Variants in KMT2C observed in about 807,000 individuals in gnomAD.
The protein encoded by KMT2C is histone-lysine N-methyltransferase 2C.
Under a neutral mutation model 507.9 loss-of-function variants are expected in KMT2C, and 88 were observed. The observed-to-expected ratio is 0.17, with a 90% CI of 0.15 to 0.21. The LOEUF (loss-of-function observed/expected upper bound fraction) is 0.21, where lower values mean the gene tolerates loss of function less well. KMT2C is among the 10% of genes least tolerant of loss of function. The pLI, the probability that KMT2C is intolerant of heterozygous loss-of-function variation, is 1.00. For synonymous variants in KMT2C, 2,049 were observed against 2,080.8 expected (o/e 0.98, Z 0.42); for missense variants, 4,954 against 5,957.8 (o/e 0.83, Z 5.55).
In KMT2C at chr7:152,260,401, T is replaced by C. The variant is rs188497460; in HGVS notation, c.1299+2615A>G. 1.7e-3 allele frequency among the ~76,000 whole-genome samples: 257 copies of C among 151,982 alleles called. 1 individual carries two copies. Among genetic ancestry groups the C allele is most frequent in the African/African-American group, 5.9e-3 (243 of 41,432 alleles). On this transcript the variant is annotated intron_variant, in intron 9 of 58. Transcript: ENST00000262189. ...ATAATGAAAACCCTAATAAAGAAGA[T>C]CAAGAGCAAGAACAAAAATTATCCA...
At chr7:152,388,022 CA>C (rs2097447962) in intron 1 of KMT2C, among the ~76,000 whole-genome samples, 1 of 150,276 alleles carries the variant, frequency 6.7e-6, no homozygotes, top group African/African-American at 2.4e-5. Context: ...CAAAGTGATC[CA>C]ACTCTGAAAT....
intron 23 of KMT2C, among the ~76,000 whole-genome samples, chr7:152,217,594 C>G (rs1343436620): frequency 6.6e-6 from 1 of 152,114 alleles, no homozygotes; most frequent in African/African-American, 2.4e-5. Context: ...ACTAAACAAT[C>G]TTTTTTCATA....
rs1452540630 is a variant in KMT2C at position 152,220,597 on chromosome 7, C to T, written c.3638G>A (p.Ser1213Asn). 1 of 1,611,832 alleles carries T rather than the reference C, an allele frequency of 6.2e-7. No individual in the cohort carries two copies. Among genetic ancestry groups the T allele is most frequent in the Non-Finnish European group, 8.5e-7 (1 of 1,179,812 alleles). Residue 1213 changes from serine to asparagine, a missense_variant, in exon 23 of 59, where the codon AGC becomes AAC. By Grantham distance (46) the Ser-to-Asn change is conservative. This residue lies in a region of KMT2C where 176 missense variants were observed against 262.0 expected (regional missense o/e 0.67). Transcript: ENST00000262189. ...TGGAGGGGTCTGAAGGACGGCCACG[C>T]TATTCTGATTTATAATCTTCAATTT... ...KLKLKIINQNSVAVLQTPPDI... is the reference protein window; with the variant it reads ...KLKLKIINQNNVAVLQTPPDI...
At chr7:152,278,694 T>C (rs1253669328) in intron 6 of KMT2C, among the ~76,000 whole-genome samples, 1 of 152,168 alleles carries the variant, frequency 6.6e-6, no homozygotes, top group Non-Finnish European at 1.5e-5. Context: ...ATAGCAATAA[T>C]TGCAAAGAAA....
intron 49 of KMT2C, 93 bp downstream of exon 49, chr7:152,152,612 T>G (rs2129097228): frequency 2.8e-6 from 4 of 1,450,816 alleles, no homozygotes; most frequent in Non-Finnish European, 3.8e-6. Context: ...ATGTTACCTG[T>G]CCGTTGTTAA....
rs1003874204 is a variant in KMT2C at position 152,435,834 on chromosome 7, G to T, written c.-48C>A. On this transcript the variant is annotated 5_prime_UTR_variant, in exon 1 of 59. Transcript: ENST00000262189. ...TGGATCCCGGTCCTCCTCCTGGGGG[G>T]CTCCCGCCGCCGCGGCCGCCGCCGC... 6 of 1,339,446 alleles carry T rather than the reference G, an allele frequency of 4.5e-6. No homozygotes were observed. The East Asian group carries it at 1.3e-4, about 30-fold the overall frequency. The allele number at this position is 1,339,446 out of a possible 1,614,324, so 83.0% of individuals were successfully genotyped here. A position where few individuals can be genotyped will look rare whatever the true frequency, so the allele number is the denominator to read the frequency against.
intron 1 of KMT2C, among the ~76,000 whole-genome samples, chr7:152,428,983 C>T (rs1307826852): frequency 6.6e-6 from 1 of 152,186 alleles, no homozygotes; most frequent in East Asian, 1.9e-4. Context: ...TACACACAGC[C>T]TCTGTTCTAG....
chr7:152,158,190 C>T (rs1433126253), intron 44 of KMT2C, among the ~76,000 whole-genome samples: 20 of 152,228 alleles, frequency 1.3e-4, no homozygotes, highest in Admixed American at 1.2e-3. Context: ...GGGGCATCAA[C>T]TGAGGCTGGG....
At chr7:152,249,835 T>G in intron 13 of KMT2C, 41 bp downstream of exon 13, 1 of 1,231,700 alleles carries the variant, frequency 8.1e-7, no homozygotes, top group Non-Finnish European at 1.2e-6. Context: ...GACATTATCT[T>G]GTAACTCAAT....
At chr7:152,328,570 AAATAT>A (rs1431486018) in intron 3 of KMT2C, among the ~76,000 whole-genome samples, 1 of 152,224 alleles carries the variant, frequency 6.6e-6, no homozygotes, top group Admixed American at 6.5e-5. Flanking sequence ...AATATAATTT[AAATAT>A]AATAGTCATG....
intron 2 of KMT2C, among the ~76,000 whole-genome samples, chr7:152,357,877 C>A (rs756610318): frequency 3.9e-5 from 6 of 152,154 alleles, no homozygotes; most frequent in Non-Finnish European, 8.8e-5. Context: ...CTCTTAACTG[C>A]ATGATATTCT....
intron 6 of KMT2C, among the ~76,000 whole-genome samples, chr7:152,290,552 C>A (rs983835885): frequency 4.0e-5 from 6 of 151,492 alleles, no homozygotes; most frequent in African/African-American, 1.5e-4. Context: ...TCGTGATCCA[C>A]CCGCTTCAGC....
In KMT2C at chr7:152,169,335, G is replaced by T. The variant is rs2092860542; in HGVS notation, c.9454-86C>A. 6 of 745,726 alleles carry T rather than the reference G, an allele frequency of 8.0e-6. No homozygotes were observed. The Admixed American group carries it at 1.2e-4, about 15-fold the overall frequency. The allele number at this position is 745,726 out of a possible 1,614,324, so 46.2% of individuals were successfully genotyped here. A position where few individuals can be genotyped will look rare whatever the true frequency, so the allele number is the denominator to read the frequency against. On this transcript the variant is annotated intron_variant, in intron 40 of 58. Coordinates refer to ENST00000262189, the MANE Select transcript of KMT2C (RefSeq NM_170606.3). ...ACTTTAAAAGAAAGAAAGAAAAAAA[G>T]AAATGGAAGAAAAAACCCTTTAATT...
intron 52 of KMT2C, 139 bp downstream of exon 52, chr7:152,147,894 A>T: frequency 2.0e-5 from 18 of 894,486 alleles, no homozygotes; most frequent in Non-Finnish European, 2.9e-5. Context: ...GAACACAAAC[A>T]TTGGCATTTG....
chr7:152,322,655 G>T (rs1335719872), intron 3 of KMT2C, among the ~76,000 whole-genome samples: 1 of 151,830 alleles, frequency 6.6e-6, no homozygotes, highest in Non-Finnish European at 1.5e-5. Flanking sequence ...TAACTTTTTG[G>T]ATATGACCCT....
At chr7:152,359,990 A>G (rs560300694) in intron 1 of KMT2C, among the ~76,000 whole-genome samples, 2 of 134,706 alleles carry the variant, frequency 1.5e-5, no homozygotes, top group South Asian at 5.0e-4. Flanking sequence ...TGGAGGTTGC[A>G]GTGAGCTGAT....
At chr7:152,182,919 C>T (rs2093481417) in intron 35 of KMT2C, 55 bp downstream of exon 35, 5 of 1,289,782 alleles carry the variant, frequency 3.9e-6, no homozygotes, top group East Asian at 2.4e-5. Flanking sequence ...CAAAGACCTC[C>T]CTTCTCAAAA....
intron 2 of KMT2C, 124 bp from the exon 3 acceptor site, chr7:152,330,863 AAC>A: frequency 1.1e-6 from 1 of 894,476 alleles, no homozygotes; most frequent in South Asian, 1.7e-5. Flanking sequence ...ATATTTCACT[AAC>A]ACAAGAAAAG....
intron 2 of KMT2C, among the ~76,000 whole-genome samples, chr7:152,346,864 C>A (rs1315456849): frequency 6.6e-6 from 1 of 152,230 alleles, no homozygotes; most frequent in Non-Finnish European, 1.5e-5. Flanking sequence ...CAGTGGCTCA[C>A]ACCTGTAATC....
Sources: gnomAD v4.1 joint callset for allele counts (sites outside exome capture counted in the v4.1 genomes callset) on GRCh38, gnomAD v4.1.1 for gene constraint, gnomAD v4.1.1 regional missense constraint, MANE v1.5 for transcripts, NCBI Gene and HGNC (gene_info 2026-07-23, HGNC 2026-07-21) for gene names.